PDE4B: variants seen among roughly 807,000 people sequenced by gnomAD.
The protein encoded by PDE4B is phosphodiesterase 4B.
Under a neutral mutation model 82.2 loss-of-function variants are expected in PDE4B, and 20 were observed. The observed-to-expected ratio is 0.24, with a 90% confidence interval of 0.17 to 0.35. The LOEUF (loss-of-function observed/expected upper bound fraction) is 0.35, where lower values mean the gene tolerates loss of function less well. PDE4B is among the 10% of genes least tolerant of loss of function. The pLI, the probability that PDE4B is intolerant of heterozygous loss-of-function variation, is 1.00. For synonymous variants in PDE4B, 320 were observed against 318.9 expected (o/e 1.00, Z -0.04); for missense variants, 655 against 907.2 (o/e 0.72, Z 3.57).
At chr1:66,148,297 A>G (rs1347534918) in intron 3 of PDE4B, among the ~76,000 whole-genome samples, 1 of 151,726 alleles carries the variant, frequency 6.6e-6, no homozygotes, top group African/African-American at 2.4e-5. Context: ...TAATAAAATA[A>G]ATAAAATAAT....
intron 7 of PDE4B, among the ~76,000 whole-genome samples, chr1:66,284,987 G>A (rs1301050820): frequency 6.6e-6 from 1 of 152,166 alleles, no homozygotes; most frequent in East Asian, 1.9e-4. Context: ...AACAGAGATT[G>A]ATGAATTGGG....
chr1:65,820,968 C>T (rs962276271), intron 1 of PDE4B, among the ~76,000 whole-genome samples: 3 of 152,102 alleles, frequency 2.0e-5, no homozygotes, highest in Admixed American at 6.5e-5. Context: ...CATGGTGGGC[C>T]CCAGCCCAGG....
At chr1:66,001,001 A>G (rs1401972213) in intron 3 of PDE4B, among the ~76,000 whole-genome samples, 1 of 152,206 alleles carries the variant, frequency 6.6e-6, no homozygotes, top group Non-Finnish European at 1.5e-5. Context: ...TCTCACACAA[A>G]TTCTATAATC....
intron 7 of PDE4B, among the ~76,000 whole-genome samples, chr1:66,310,393 C>T (rs574777375): frequency 3.0e-4 from 45 of 152,272 alleles, no homozygotes; most frequent in African/African-American, 1.0e-3. Flanking sequence ...TTCACCTCCA[C>T]TCTCTCAATG....
At chr1:66,280,550 C>T (rs1339294400) in intron 7 of PDE4B, among the ~76,000 whole-genome samples, 1 of 152,166 alleles carries the variant, frequency 6.6e-6, no homozygotes, top group Admixed American at 6.5e-5. Context: ...GAGTATGAAA[C>T]TTTATTCCCT....
chr1:66,133,990 G>T lies in PDE4B; in HGVS notation c.282-113470G>T, dbSNP rs141407543. ...GTGGAAGAGAAGGGAATAGGAAAAA[G>T]GCAGAGAGAGAAATGCATAGGTTGC... On this transcript the variant is annotated intron_variant, in intron 3 of 16. Coordinates refer to ENST00000341517, the MANE Select transcript of PDE4B (RefSeq NM_002600.4). Among the ~76,000 whole-genome samples, 258 of 151,238 alleles carry T rather than the reference G, an allele frequency of 1.7e-3. 1 individual carries two copies. The highest frequency in any genetic ancestry group is 5.9e-3 in the African/African-American group (244 of 41,166).
At chr1:66,211,533 T>C (rs1336843382) in intron 3 of PDE4B, among the ~76,000 whole-genome samples, 1 of 152,224 alleles carries the variant, frequency 6.6e-6, no homozygotes, top group East Asian at 1.9e-4. Flanking sequence ...ATAATAATGC[T>C]GTATAATGGA....
chr1:65,995,548 C>G (rs1227660305), intron 3 of PDE4B, among the ~76,000 whole-genome samples: 3 of 152,170 alleles, frequency 2.0e-5, no homozygotes, highest in African/African-American at 7.2e-5. Context: ...TCTGCTCTAC[C>G]TCCTGTCTCT....
intron 3 of PDE4B, among the ~76,000 whole-genome samples, chr1:66,151,778 A>G (rs1646399222): frequency 6.6e-6 from 1 of 152,148 alleles, no homozygotes; most frequent in African/African-American, 2.4e-5. Context: ...TCATCTCTTT[A>G]TTTCCGATCT....
rs76110073 is a variant in PDE4B, at chr1:66,125,575, G to A, written c.282-121885G>A. 3.6e-3 allele frequency among the ~76,000 whole-genome samples: 550 copies of A among 152,256 alleles called. 3 individuals carry two copies. The highest frequency in any genetic ancestry group is 0.012 in the African/African-American group (497 of 41,546). ...TTATTTAGAAATTTGGTGATGTTTT[G>A]GACACTGTAGGAACTTCACTCTTGT... On this transcript the variant is annotated intron_variant, in intron 3 of 16. Coordinates refer to ENST00000341517, the MANE Select transcript of PDE4B (RefSeq NM_002600.4).
In PDE4B at chr1:66,107,119, G is replaced by C. The variant is rs575222452; in HGVS notation, c.282-140341G>C. ...TACACACGGCTTTGAATGTGTCCCA[G>C]AGATTCTGGTATGTTGTGTCTTTGT... On this transcript the variant is annotated intron_variant, in intron 3 of 16. Transcript: ENST00000341517. Among the ~76,000 whole-genome samples, 398 of 150,492 alleles carry C rather than the reference G, an allele frequency of 2.6e-3. 3 individuals are homozygous for C. The highest frequency in any genetic ancestry group is 9.1e-3 in the African/African-American group (374 of 41,184).
chr1:65,854,529 G>T (rs1432429873), intron 1 of PDE4B, among the ~76,000 whole-genome samples: 2 of 151,312 alleles, frequency 1.3e-5, no homozygotes, highest in Non-Finnish European at 2.9e-5. Context: ...TAGATTGTCA[G>T]TTTTTTCTTC....
intron 8 of PDE4B, among the ~76,000 whole-genome samples, chr1:66,352,145 C>T (rs1354016883): frequency 6.6e-6 from 1 of 152,120 alleles, no homozygotes; most frequent in Non-Finnish European, 1.5e-5. Flanking sequence ...TGTTGCTAAG[C>T]AACATTTAAA....
chr1:66,218,251 G>A (rs1040382175), intron 3 of PDE4B, among the ~76,000 whole-genome samples: 44 of 152,202 alleles, frequency 2.9e-4, no homozygotes, highest in African/African-American at 9.6e-4. Context: ...GATGTCGGCC[G>A]ATATCTCAAA....
intron 1 of PDE4B, among the ~76,000 whole-genome samples, chr1:65,863,266 T>C (rs1400554749): frequency 2.0e-5 from 3 of 152,206 alleles, no homozygotes; most frequent in Non-Finnish European, 1.5e-5. Flanking sequence ...ATCTACCCAG[T>C]TGTCATTCAG....
At chr1:66,098,640 T>C (rs571058138) in intron 3 of PDE4B, among the ~76,000 whole-genome samples, 1 of 152,224 alleles carries the variant, frequency 6.6e-6, no homozygotes, top group African/African-American at 2.4e-5. Context: ...GCTCCCTAGG[T>C]TCCAAGTAAA....
At position 65,993,186 on chromosome 1, in the gene PDE4B, C is replaced by T. The variant is rs377153717; in HGVS notation, c.281+74351C>T. 1.3e-5 allele frequency: 18 copies of T among 1,396,040 alleles called. No homozygotes were observed. In the African/African-American group the frequency reaches 1.4e-4, roughly 11 times the overall value. 86.5% of individuals were successfully genotyped at this position (1,396,040 alleles called of 1,614,324 possible). Reference sequence around the variant, plus strand: ...GTATCTACAGTGCTTTTCAGATTCTCGCATTAGCACCAGTGATCTAGCAGT... The same window carrying T: ...GTATCTACAGTGCTTTTCAGATTCTTGCATTAGCACCAGTGATCTAGCAGT... On this transcript the variant is annotated intron_variant, in intron 3 of 16. Coordinates refer to ENST00000341517, the MANE Select transcript of PDE4B (RefSeq NM_002600.4).
intron 3 of PDE4B, among the ~76,000 whole-genome samples, chr1:66,232,980 G>A (rs1347422552): frequency 6.6e-6 from 1 of 152,140 alleles, no homozygotes; most frequent in East Asian, 1.9e-4. Flanking sequence ...TTTAAAACAC[G>A]TATTTATAAG....
intron 8 of PDE4B, among the ~76,000 whole-genome samples, chr1:66,338,091 G>T (rs919225462): frequency 6.6e-6 from 1 of 152,192 alleles, no homozygotes; most frequent in Admixed American, 6.5e-5. Flanking sequence ...CAAACATTGT[G>T]CTAAGCTCTT....
Sources: allele counts gnomAD v4.1 joint callset (sites outside exome capture counted in the v4.1 genomes callset), GRCh38; gene constraint gnomAD v4.1.1; transcripts MANE v1.5; gene names NCBI Gene and HGNC (gene_info 2026-07-23, HGNC 2026-07-21).